UTRN: variants seen among roughly 807,000 people sequenced by gnomAD.
The protein encoded by UTRN is dystrophin-related protein 1.
A neutral mutation model predicts 463.9 loss-of-function variants in UTRN; 283 were observed. The observed-to-expected ratio is 0.61, with a 90% CI of 0.55 to 0.67. The LOEUF (loss-of-function observed/expected upper bound fraction) is 0.67, where lower values mean the gene tolerates loss of function less well. Ranked by LOEUF, UTRN falls within the 30% of genes least tolerant of loss-of-function variation. UTRN has a pLI of 0.00. For synonymous variants in UTRN, 1,442 were observed against 1,431.5 expected (o/e 1.01, Z -0.17); for missense variants, 3,922 against 4,084.3 (o/e 0.96, Z 1.08).
At chr6:144,772,215 A>T (rs1794148997) in intron 59 of UTRN, among the ~76,000 whole-genome samples, 1 of 150,600 alleles carries the variant, frequency 6.6e-6, no homozygotes, top group South Asian at 2.1e-4. Context: ...TCGTATTTTA[A>T]TAGAGACAGG....
At chr6:144,469,703 C>CTTTTTTTTTTTT (rs545551155) in intron 23 of UTRN, among the ~76,000 whole-genome samples, 12 of 135,702 alleles carry the variant, frequency 8.8e-5, no homozygotes, top group Non-Finnish European at 1.9e-4. Flanking sequence ...TGTTTCTTTC[C>CTTTTTTTTTTTT]TTTTTTTTTT....
At chr6:144,822,624 G>C (rs1257771849) in intron 66 of UTRN, among the ~76,000 whole-genome samples, 1 of 152,076 alleles carries the variant, frequency 6.6e-6, no homozygotes, top group East Asian at 1.9e-4. Flanking sequence ...ATACATTCAG[G>C]AACAGTAGAC....
At chr6:144,397,203 C>T (rs1782516049) in intron 2 of UTRN, among the ~76,000 whole-genome samples, 1 of 151,926 alleles carries the variant, frequency 6.6e-6, no homozygotes, top group Non-Finnish European at 1.5e-5. Flanking sequence ...AAGATCACAC[C>T]ATTGCACTCC....
At chr6:144,677,560 G>C (rs1781762534) in intron 51 of UTRN, among the ~76,000 whole-genome samples, 1 of 152,170 alleles carries the variant, frequency 6.6e-6, no homozygotes, top group African/African-American at 2.4e-5. Flanking sequence ...ACTGTAAATA[G>C]TGCTGCAGTA....
intron 3 of UTRN, among the ~76,000 whole-genome samples, chr6:144,404,692 T>C (rs754756226): frequency 1.3e-5 from 2 of 152,160 alleles, no homozygotes; most frequent in African/African-American, 2.4e-5. Context: ...AGAGAGCATT[T>C]GAAACTGGGT....
chr6:144,637,162 G>T (rs1211664990), intron 51 of UTRN, among the ~76,000 whole-genome samples: 1 of 152,098 alleles, frequency 6.6e-6, no homozygotes, highest in Non-Finnish European at 1.5e-5. Flanking sequence ...TAGAGACAGG[G>T]TCTTGCCATG....
intron 51 of UTRN, among the ~76,000 whole-genome samples, chr6:144,631,887 G>A (rs1411797959): frequency 6.6e-6 from 1 of 152,188 alleles, no homozygotes; most frequent in Non-Finnish European, 1.5e-5. Flanking sequence ...AGGGAATGGA[G>A]GCTAAATTTT....
intron 13 of UTRN, among the ~76,000 whole-genome samples, chr6:144,442,403 A>G (rs1360987316): frequency 6.6e-6 from 1 of 152,126 alleles, no homozygotes; most frequent in Non-Finnish European, 1.5e-5. Flanking sequence ...AGTCACTTCT[A>G]CATTTTAGGG....
At chr6:144,353,164 G>A (rs1009283259) in intron 2 of UTRN, among the ~76,000 whole-genome samples, 5 of 152,032 alleles carry the variant, frequency 3.3e-5, no homozygotes, top group Non-Finnish European at 7.4e-5. Flanking sequence ...GCCCAGGCTG[G>A]AGTGCAGTGG....
chr6:144,448,403 G>C (rs551991486), intron 16 of UTRN, among the ~76,000 whole-genome samples, 197 bp from the exon 17 acceptor site: 79 of 152,218 alleles, frequency 5.2e-4, no homozygotes, highest in Non-Finnish European at 7.9e-4. Flanking sequence ...AATGGGGAGT[G>C]TTGGTTTATG....
At chr6:144,769,845 C>T (rs921354397) in intron 58 of UTRN, among the ~76,000 whole-genome samples, 5 of 152,148 alleles carry the variant, frequency 3.3e-5, no homozygotes, top group Admixed American at 6.5e-5. Context: ...CCCATGATGC[C>T]TTACTGGAAT....
chr6:144,597,911 TTA>T (rs1255539613), intron 51 of UTRN, among the ~76,000 whole-genome samples: 1 of 152,200 alleles, frequency 6.6e-6, no homozygotes, highest in African/African-American at 2.4e-5. Flanking sequence ...TTAAACTTCT[TTA>T]TATCTAGAAT....
chr6:144,662,357 A>G (rs1025082460), intron 51 of UTRN, among the ~76,000 whole-genome samples: 9 of 152,218 alleles, frequency 5.9e-5, no homozygotes, highest in African/African-American at 1.7e-4. Context: ...CAACAAAGCA[A>G]TAATGCCATT....
intron 50 of UTRN, among the ~76,000 whole-genome samples, chr6:144,563,452 C>A (rs1800111304): frequency 6.6e-6 from 1 of 152,246 alleles, no homozygotes; most frequent in Middle Eastern, 3.4e-3. Flanking sequence ...TTTCATAAGG[C>A]CTGATATCAG....
intron 3 of UTRN, among the ~76,000 whole-genome samples, chr6:144,410,448 A>C (rs1783784654): frequency 6.6e-6 from 1 of 151,674 alleles, no homozygotes; most frequent in Non-Finnish European, 1.5e-5. Flanking sequence ...TTTTGGGGGG[A>C]ACAGGTGGTG....
chr6:144,606,845 A>T (rs557082929), intron 51 of UTRN, among the ~76,000 whole-genome samples: 1 of 152,196 alleles, frequency 6.6e-6, no homozygotes, highest in African/African-American at 2.4e-5. Flanking sequence ...AGTGTAAGTC[A>T]ATTAGAATAA....
intron 2 of UTRN, among the ~76,000 whole-genome samples, chr6:144,319,280 A>G (rs9321968): frequency 0.14 from 20,774 of 151,982 alleles, 4,208 homozygotes; most frequent in African/African-American, 0.44. Context: ...TTCCTTGGAA[A>G]TGCTGTTTCT....
chr6:144,617,640 C>T (rs906258621), intron 51 of UTRN, among the ~76,000 whole-genome samples: 5 of 152,156 alleles, frequency 3.3e-5, no homozygotes, highest in African/African-American at 9.7e-5. Context: ...ATTGAGTGAA[C>T]TTGGCCCCTG....
chr6:144,773,151 A>G (rs138906655), intron 59 of UTRN, among the ~76,000 whole-genome samples: 1 of 152,320 alleles, frequency 6.6e-6, no homozygotes, highest in African/African-American at 2.4e-5. Flanking sequence ...AGAAATTACA[A>G]TATCTATTGT....
Sources: allele counts gnomAD v4.1 joint callset (sites outside exome capture counted in the v4.1 genomes callset), GRCh38; gene constraint gnomAD v4.1.1; transcripts MANE v1.5; gene names NCBI Gene and HGNC (gene_info 2026-07-23, HGNC 2026-07-21).